Variants in CDH23 observed in about 807,000 individuals in gnomAD.
CDH23 encodes cadherin related 23, also known as cadherin-23.
A neutral mutation model predicts 317.1 loss-of-function variants in CDH23; 189 were observed. The ratio of observed to expected loss-of-function variants is 0.60; its 90% CI spans 0.53 to 0.67. CDH23 has a LOEUF of 0.67. CDH23 is among the 30% of genes least tolerant of loss of function. The pLI is 0.00. For missense variants in CDH23, 4,401 were observed against 4,592.4 expected (o/e 0.96, Z 1.20); for synonymous variants, 1,839 against 1,876.8 (o/e 0.98, Z 0.52).
intron 48 of CDH23, chr10:71,795,966 C>T: frequency 1.0e-6 from 1 of 985,962 alleles, no homozygotes; most frequent in Non-Finnish European, 1.2e-6. Flanking sequence ...AGGCCGTGGC[C>T]CAGCCTTTGC....
chr10:71,741,904 G>T lies in CDH23; in HGVS notation c.4828G>T (p.Gly1610Cys). 1 of 1,603,988 alleles carries T rather than the reference G, an allele frequency of 6.2e-7. No individual in the cohort carries two copies. The highest frequency in any genetic ancestry group is 8.5e-7 in the Non-Finnish European group (1 of 1,175,428). ...CCTGGTGGCCACTGTGGAGGACGAG[G>T]GCACCCCAACCCTGTCGGTGAGCGA... ...YHLVATVEDE[G>C]TPTLSATTHV... The change falls in exon 38 of 70, where the codon GGC (glycine) becomes TGC (cysteine). Residue 1610 changes from glycine (G) to cysteine (C), a missense_variant. By Grantham distance (159) the Gly-to-Cys change is radical (BLOSUM62 -3). Around this residue, in one of 3 missense-constraint regions of CDH23, gnomAD observed 3,068 missense variants for 3,203.3 expected, o/e 0.96. Transcript: ENST00000224721.
chr10:71,707,296 G>T lies in CDH23; in HGVS notation c.3106+247G>T, dbSNP rs1865828808. ...CCTGAACCTGTTGGTTGCAGGGACGGGGAGCATCTACCAAGGTTCATTCTA... is the reference window on the plus strand; with the variant it reads ...CCTGAACCTGTTGGTTGCAGGGACGTGGAGCATCTACCAAGGTTCATTCTA... On this transcript the variant is annotated intron_variant, in intron 26 of 69. Transcript: ENST00000224721. 5.6e-6 allele frequency: 8 copies of T among 1,432,144 alleles called. 1 individual carries two copies. The South Asian group carries it at 1.2e-4, about 22-fold the overall frequency. The allele number at this position is 1,432,144 out of a possible 1,614,324, so 88.7% of individuals were successfully genotyped here.
At chr10:71,619,985 C>T (rs879904834) in intron 11 of CDH23, among the ~76,000 whole-genome samples, 2 of 152,212 alleles carry the variant, frequency 1.3e-5, no homozygotes, top group Non-Finnish European at 2.9e-5. Context: ...CATCCATCAG[C>T]TTATATTGCA....
chr10:71,530,069 A>ACACACACACACACACACACACACACC (rs1260256322), intron 6 of CDH23, among the ~76,000 whole-genome samples: 1 of 145,014 alleles, frequency 6.9e-6, no homozygotes, highest in African/African-American at 2.6e-5. Flanking sequence ...ACACACACAC[A>ACACACACACACACACACACACACACC]CTCTCCCCAG....
intron 15 of CDH23, among the ~76,000 whole-genome samples, chr10:71,676,977 G>A (rs1414027278): frequency 6.6e-6 from 1 of 152,132 alleles, no homozygotes; most frequent in African/African-American, 2.4e-5. Context: ...TCTGCTACCT[G>A]GGAGATGTCT....
chr10:71,789,313 AG>A (rs1841182894), intron 45 of CDH23, among the ~76,000 whole-genome samples: 1 of 152,164 alleles, frequency 6.6e-6, no homozygotes, highest in Admixed American at 6.5e-5. Flanking sequence ...TCCCTCAAGA[AG>A]GGCATGTAAG....
intron 11 of CDH23, 193 bp downstream of exon 11, chr10:71,617,586 GC>G: frequency 7.2e-7 from 1 of 1,382,448 alleles, no homozygotes; most frequent in Non-Finnish European, 9.5e-7. Flanking sequence ...CCTACACCCT[GC>G]AAAAAACATG....
At chr10:71,561,178 T>C (rs1857111879) in intron 6 of CDH23, among the ~76,000 whole-genome samples, 1 of 152,106 alleles carries the variant, frequency 6.6e-6, no homozygotes, top group African/African-American at 2.4e-5. Flanking sequence ...AAGTTTCCTT[T>C]CCTCCCTTTT....
At chr10:71,651,130 C>T (rs1307565405) in intron 14 of CDH23, among the ~76,000 whole-genome samples, 1 of 152,184 alleles carries the variant, frequency 6.6e-6, no homozygotes, top group Admixed American at 6.5e-5. Flanking sequence ...AGGGAGTACG[C>T]GAACCTCTAA....
intron 3 of CDH23, among the ~76,000 whole-genome samples, chr10:71,505,766 C>T (rs929743674): frequency 3.3e-5 from 5 of 152,200 alleles, no homozygotes; most frequent in Non-Finnish European, 5.9e-5. Flanking sequence ...AACACCAGGC[C>T]TCATCCATTG....
At chr10:71,695,885 C>T (rs905180284) in intron 22 of CDH23, among the ~76,000 whole-genome samples, 1 of 152,174 alleles carries the variant, frequency 6.6e-6, no homozygotes, top group Non-Finnish European at 1.5e-5. Context: ...CTACACTGCA[C>T]AAGCCCCAGC....
At chr10:71,418,100 T>C (rs1848607455) in intron 1 of CDH23, among the ~76,000 whole-genome samples, 1 of 152,214 alleles carries the variant, frequency 6.6e-6, no homozygotes, top group African/African-American at 2.4e-5. Context: ...TCAACTATTG[T>C]CTTGAACATA....
intron 11 of CDH23, among the ~76,000 whole-genome samples, chr10:71,641,244 G>A (rs977326258): frequency 6.6e-6 from 1 of 152,148 alleles, no homozygotes; most frequent in African/African-American, 2.4e-5. Flanking sequence ...GCTTTTCCCA[G>A]CCCCCAGAGA....
At chr10:71,808,534 T>TTGA (rs1199714411) in intron 60 of CDH23, among the ~76,000 whole-genome samples, 1 of 152,204 alleles carries the variant, frequency 6.6e-6, no homozygotes, top group Non-Finnish European at 1.5e-5. Flanking sequence ...AGCTCACACT[T>TTGA]ATATCTATGG....
chr10:71,504,794 G>A (rs929371879), intron 3 of CDH23, among the ~76,000 whole-genome samples: 2 of 152,214 alleles, frequency 1.3e-5, no homozygotes, highest in African/African-American at 4.8e-5. Flanking sequence ...AGTACTTACT[G>A]GTCTGGTTGT....
chr10:71,447,668 A>G (rs1290506083), intron 3 of CDH23, among the ~76,000 whole-genome samples: 2 of 152,134 alleles, frequency 1.3e-5, no homozygotes, highest in East Asian at 3.9e-4. Flanking sequence ...CTCCCCAGGA[A>G]GAAGGTTCCT....
intron 3 of CDH23, among the ~76,000 whole-genome samples, chr10:71,497,480 T>C (rs1853038691): frequency 6.8e-6 from 1 of 146,138 alleles, no homozygotes; most frequent in Admixed American, 6.8e-5. Flanking sequence ...GGCTGTTTCA[T>C]GCTCAGGCTG....
intron 6 of CDH23, among the ~76,000 whole-genome samples, chr10:71,526,772 G>A (rs761022492): frequency 6.6e-6 from 1 of 152,110 alleles, no homozygotes; most frequent in Non-Finnish European, 1.5e-5. Context: ...CCAATCTATG[G>A]CCAAGGCGTT....
intron 9 of CDH23, among the ~76,000 whole-genome samples, chr10:71,583,347 G>A (rs987489297): frequency 2.6e-5 from 4 of 152,012 alleles, no homozygotes; most frequent in Admixed American, 2.6e-4. Context: ...CCTGGTCCTG[G>A]GAGCAGCAGG....
Sources: allele counts gnomAD v4.1 joint callset (sites outside exome capture counted in the v4.1 genomes callset), GRCh38; gene constraint gnomAD v4.1.1; regional missense constraint gnomAD v4.1.1; transcripts MANE v1.5; gene names NCBI Gene and HGNC (gene_info 2026-07-23, HGNC 2026-07-21).